Variants in SLC1A7 observed in about 807,000 individuals in gnomAD.
SLC1A7 encodes excitatory amino acid transporter 5.
A neutral mutation model predicts 47.7 loss-of-function variants in SLC1A7; 40 were observed. That is an observed-to-expected ratio of 0.84 (90% CI 0.65 to 1.09). The LOEUF (loss-of-function observed/expected upper bound fraction) is 1.09. Ranked by LOEUF, SLC1A7 falls within the 50% of genes least tolerant of loss-of-function variation. SLC1A7 has a pLI of 0.00. For missense variants in SLC1A7, 746 were observed against 769.5 expected (o/e 0.97, Z 0.36); for synonymous variants, 323 against 325.6 (o/e 0.99, Z 0.09).
At position 53,103,373 on chromosome 1, in the gene SLC1A7, C is replaced by T. The variant is rs1274798585; in HGVS notation, c.670G>A (p.Gly224Ser). Residue 224 changes from glycine (G) to serine (S), a missense_variant, in exon 5 of 11, where the codon GGC (glycine) becomes AGC (serine). Physicochemically the swap from Gly to Ser is moderately conservative, Grantham distance 56. Coordinates refer to ENST00000371494, the MANE Select transcript of SLC1A7 (RefSeq NM_006671.6). ...PGTSDGMNVL[G>S]IVFFSATMGI... ...ATGGTGGCAGAGAAGAAGACGATGC[C>T]CAGCACATTCATGCCATCGCTGGTG... The T allele has an allele frequency of 2.5e-6, 4 of 1,607,954 alleles. No individual in the cohort carries two copies. Among genetic ancestry groups the T allele is most frequent in the Non-Finnish European group, 3.4e-6 (4 of 1,177,992 alleles).
intron 1 of SLC1A7, among the ~76,000 whole-genome samples, chr1:53,139,355 G>C (rs774637723): frequency 1.3e-5 from 2 of 152,232 alleles, no homozygotes; most frequent in Non-Finnish European, 2.9e-5. Context: ...CTGAAACCGT[G>C]CTGGGGACCC....
intron 2 of SLC1A7, among the ~76,000 whole-genome samples, chr1:53,119,430 C>G (rs576888187): frequency 6.6e-6 from 1 of 152,324 alleles, no homozygotes; most frequent in South Asian, 2.1e-4. Flanking sequence ...CTCACTGCAG[C>G]CTTGACCTCC....
chr1:53,123,330 G>C (rs540440324), intron 2 of SLC1A7, among the ~76,000 whole-genome samples: 3 of 152,354 alleles, frequency 2.0e-5, no homozygotes, highest in Non-Finnish European at 4.4e-5. Context: ...GCCCCGCACA[G>C]GGCTCAGGCG....
Position 53,099,826 on chromosome 1 carries a change from TCACA to T in SLC1A7, c.697+3516_697+3519del, listed in dbSNP as rs753173900. Among the ~76,000 whole-genome samples the T allele has an allele frequency of 4.9e-4, 73 of 150,470 alleles. 1 individual carries two copies. The highest frequency in any genetic ancestry group is 1.1e-3 in the Admixed American group (16 of 15,146). Reference sequence around the variant, plus strand: ...ACTTACACACCCCACCTTGGTACACTCACACACCCTGCCTCAGTACACTCACACA... The same window carrying T: ...ACTTACACACCCCACCTTGGTACACTCACCCTGCCTCAGTACACTCACACA... On this transcript the variant is annotated intron_variant, in intron 5 of 10. Transcript: ENST00000371494.
chr1:53,098,107 G>A (rs1644521505), intron 5 of SLC1A7, among the ~76,000 whole-genome samples: 1 of 146,342 alleles, frequency 6.8e-6, no homozygotes, highest in Admixed American at 6.8e-5. Flanking sequence ...CACTCACTTT[G>A]CCTCGGTACA....
chr1:53,114,777 C>T lies in SLC1A7; in HGVS notation c.412G>A (p.Ala138Thr), dbSNP rs150708334. The change falls in exon 3 of 11, where the codon GCC becomes ACC. Residue 138 changes from alanine to threonine, a missense_variant. Ala to Thr is a moderately conservative substitution (Grantham distance 58, BLOSUM62 0). Coordinates refer to ENST00000371494, the MANE Select transcript of SLC1A7 (RefSeq NM_006671.6). Reference sequence around the variant, plus strand: ...AGTTACCGGATGAGGTCCAACAGGGCATCGGCTGAGCTCATGATGGGCTTC... The same window carrying T: ...AGTTACCGGATGAGGTCCAACAGGGTATCGGCTGAGCTCATGATGGGCTTC... Reference protein sequence around the residue: ...SGKPIMSSADALLDLIRNMFP... With the variant: ...SGKPIMSSADTLLDLIRNMFP... The T allele has an allele frequency of 4.8e-4, 769 of 1,614,052 alleles. 7 individuals are homozygous for T. The Admixed American group carries it at 7.5e-3, about 16-fold the overall frequency.
chr1:53,090,616 T>C lies in SLC1A7; in HGVS notation c.1222A>G (p.Ile408Val), dbSNP rs1411900421. The C allele has an allele frequency of 1.3e-6, 2 of 1,583,898 alleles. No individual in the cohort carries two copies. Among genetic ancestry groups the C allele is most frequent in the South Asian group, 2.3e-5 (2 of 86,334 alleles). The change falls in exon 8 of 11, where the codon ATC (isoleucine) becomes GTC (valine). Residue 408 changes from isoleucine (I) to valine (V), a missense_variant. Coordinates refer to ENST00000371494, the MANE Select transcript of SLC1A7 (RefSeq NM_006671.6). ...AGGTGCAGTGTCAGGGTGCACCTGA[T>C]GGTGATGATCTGGCCAAAGTCCAGC... ...YELDFGQIIT[I>V]SITATAASIG...
At chr1:53,097,714 C>A (rs1213889023) in intron 5 of SLC1A7, among the ~76,000 whole-genome samples, 2 of 150,984 alleles carry the variant, frequency 1.3e-5, no homozygotes, top group East Asian at 3.9e-4. Context: ...CCACAGTACA[C>A]CCACACCACC....
rs1236306926 is a variant in SLC1A7 at position 53,103,430 on chromosome 1, G to A, written c.613C>T (p.Pro205Ser). The stretch of plus-strand genomic sequence containing the variant: ...TCTGACTTGTAAACGACCTCGGGCG[G>A]CGGGGTCAGGTCCAGGGCGAAGTTC... ...VQNFALDLTP[P>S]PEVVYKSEPG... is the part of the protein sequence containing the mutation. Residue 205 changes from proline to serine, a missense_variant, in exon 5 of 11, where the codon CCG becomes TCG. Coordinates refer to ENST00000371494, the MANE Select transcript of SLC1A7 (RefSeq NM_006671.6). 1.9e-6 allele frequency: 3 copies of A among 1,612,254 alleles called. No individual in the cohort carries two copies.
chr1:53,092,906 C>G, intron 6 of SLC1A7, 119 bp from the exon 7 acceptor site: 1 of 552,772 alleles, frequency 1.8e-6, no homozygotes, highest in Non-Finnish European at 3.1e-6. Flanking sequence ...GAGGACAGAG[C>G]GAGACTGCCA....
chr1:53,090,746 G>C lies in SLC1A7; in HGVS notation c.1092C>G (p.Arg364=). 1.2e-6 allele frequency: 2 copies of C among 1,613,854 alleles called. No homozygotes were observed. Among genetic ancestry groups the C allele is most frequent in the Non-Finnish European group, 1.7e-6 (2 of 1,179,900 alleles). The part of the protein sequence containing the change: ...CLLENNHIDR[R]IARFVLPVGA... Reference sequence around the variant, plus strand: ...CCACGGGCAGCACGAAGCGAGCGATGCGCCGGTCGATGTGGTTGTTCTCCA... The same window carrying C: ...CCACGGGCAGCACGAAGCGAGCGATCCGCCGGTCGATGTGGTTGTTCTCCA... Residue 364 remains arginine, a synonymous_variant, in exon 8 of 11, where the codon CGC becomes CGG. Transcript: ENST00000371494.
chr1:53,097,545 C>T (rs574142725), intron 5 of SLC1A7, among the ~76,000 whole-genome samples: 5 of 148,214 alleles, frequency 3.4e-5, no homozygotes, highest in African/African-American at 1.2e-4. Flanking sequence ...TCACAAAACC[C>T]GCCTTGGTAC....
At chr1:53,104,443 G>T (rs2150325784) in intron 4 of SLC1A7, among the ~76,000 whole-genome samples, 1 of 152,282 alleles carries the variant, frequency 6.6e-6, no homozygotes, top group African/African-American at 2.4e-5. Flanking sequence ...GTGACTAATT[G>T]GCTGAAAGAG....
chr1:53,103,554 G>T lies in SLC1A7; in HGVS notation c.489C>A (p.Thr163=). The change falls in exon 5 of 11, where the codon ACC becomes ACA. Residue 163 remains threonine, a synonymous_variant. Coordinates refer to ENST00000371494, the MANE Select transcript of SLC1A7 (RefSeq NM_006671.6). ...EATFKQYRTK[T]TPVVKSPKVA... is the part of the protein sequence containing the mutation. The stretch of plus-strand genomic sequence containing the variant: ...CCTTGGGGGACTTGACAACTGGGGT[G>T]GTCTTGGTGCGGTACTGGTGGGTGA... The T allele has an allele frequency of 6.2e-7, 1 of 1,600,342 alleles. No homozygotes were observed. The highest frequency in any genetic ancestry group is 8.5e-7 in the Non-Finnish European group (1 of 1,172,480).
chr1:53,090,415 G>T, intron 8 of SLC1A7, 197 bp downstream of exon 8: 1 of 860,742 alleles, frequency 1.2e-6, no homozygotes, highest in Non-Finnish European at 1.7e-6. Flanking sequence ...CCTGGCCTCC[G>T]CTCGCCCTGT....
chr1:53,088,053 TCA>T lies in SLC1A7; in HGVS notation c.1637_1638del (p.Leu546GlnfsTer9). 4.4e-6 allele frequency: 7 copies of T among 1,597,156 alleles called. No individual in the cohort carries two copies. Among genetic ancestry groups the T allele is most frequent in the Non-Finnish European group, 6.0e-6 (7 of 1,169,600 alleles). ...TCACTGATCTGGATGGTGCAGTGGTTCAGACTCGCAGCGGGCAGCTCCTCATC... is the reference window on the plus strand; with the variant it reads ...TCACTGATCTGGATGGTGCAGTGGTTGACTCGCAGCGGGCAGCTCCTCATC... The part of the protein sequence containing the change: ...EQDEELPAAS[L>X]NHCTIQISEL... On this transcript the variant is annotated frameshift_variant, in exon 11 of 11. Transcript: ENST00000371494. LOFTEE classifies it high-confidence loss of function.
intron 1 of SLC1A7, among the ~76,000 whole-genome samples, chr1:53,138,604 G>A (rs932610185): frequency 5.3e-5 from 8 of 151,472 alleles, no homozygotes; most frequent in African/African-American, 1.9e-4. Flanking sequence ...CTGGGGTCAG[G>A]CAATCCACCC....
At chr1:53,140,120 AAAGT>A (rs1248942160) in intron 1 of SLC1A7, among the ~76,000 whole-genome samples, 1 of 152,252 alleles carries the variant, frequency 6.6e-6, no homozygotes, top group African/African-American at 2.4e-5. Context: ...CCCAGATTTC[AAAGT>A]AAGATGCTGA....
chr1:53,113,977 C>G (rs1446773349), intron 3 of SLC1A7, among the ~76,000 whole-genome samples: 2 of 152,152 alleles, frequency 1.3e-5, no homozygotes, highest in African/African-American at 2.4e-5. Flanking sequence ...GCTTCCTGCT[C>G]TCACCGGCAG....
Sources: allele counts gnomAD v4.1 joint callset (sites outside exome capture counted in the v4.1 genomes callset), GRCh38; gene constraint gnomAD v4.1.1; transcripts MANE v1.5; gene names NCBI Gene and HGNC (gene_info 2026-07-23, HGNC 2026-07-21).